Variants in SASH1 observed in about 807,000 individuals in gnomAD.
SASH1 encodes SAM and SH3 domain-containing protein 1.
In SASH1, 44 loss-of-function variants were observed where a neutral mutation model predicts 125.2. That is an observed-to-expected ratio of 0.35 (90% CI 0.28 to 0.45). The LOEUF is 0.45. Among genes scored for constraint, SASH1 ranks in the 20% least tolerant of loss-of-function variants. SASH1 has a pLI of 1.00. For synonymous variants in SASH1, 639 were observed against 649.1 expected, an observed-to-expected ratio of 0.98 and a Z score of 0.24; for missense variants, 1,426 against 1,614.5, an observed-to-expected ratio of 0.88 and a Z score of 2.00.
chr6:148,277,042 G>T (rs747776177), intron 1 of SASH1, among the ~76,000 whole-genome samples: 30 of 152,166 alleles, frequency 2.0e-4, no homozygotes, highest in Non-Finnish European at 4.0e-4. Context: ...CAACAACACG[G>T]TGTGGTAGAC....
At chr6:148,196,329 A>G in the SASH1 span, among the ~76,000 whole-genome samples, 26 of 152,354 alleles carry the variant, frequency 1.7e-4, no homozygotes, top group African/African-American at 6.3e-4. Flanking sequence ...GTGCTGGTCC[A>G]GGACAGTTGG....
chr6:148,527,404 GTTC>G, intron 11 of SASH1, 46 bp from the exon 12 acceptor site: 1 of 1,514,392 alleles, frequency 6.6e-7, no homozygotes, highest in Non-Finnish European at 8.8e-7. Context: ...AATAAAACCT[GTTC>G]TTCATTTTCT....
At chr6:148,256,097 T>C in the SASH1 span, among the ~76,000 whole-genome samples, 1 of 152,222 alleles carries the variant, frequency 6.6e-6, no homozygotes, top group Non-Finnish European at 1.5e-5. Context: ...GACAATTTTG[T>C]GCCTCTGCCC....
At chr6:148,528,295 T>A (rs1781311746) in intron 12 of SASH1, among the ~76,000 whole-genome samples, 1 of 152,182 alleles carries the variant, frequency 6.6e-6, no homozygotes, top group Non-Finnish European at 1.5e-5. Context: ...GACCATTCAA[T>A]TTTCAAGACA....
intron 2 of SASH1, among the ~76,000 whole-genome samples, chr6:148,408,429 C>T (rs1784469318): frequency 6.6e-6 from 1 of 152,034 alleles, no homozygotes; most frequent in South Asian, 2.1e-4. Context: ...ACTTATTAGC[C>T]ATTTGTGTAT....
chr6:148,218,735 G>A, the SASH1 span, among the ~76,000 whole-genome samples: 71 of 152,266 alleles, frequency 4.7e-4, no homozygotes, highest in South Asian at 8.3e-4. Context: ...TGTAGGTCAC[G>A]CAGTCAGAGG....
At chr6:148,446,100 T>TC in intron 4 of SASH1, among the ~76,000 whole-genome samples, 1 of 8,552 alleles carries the variant, frequency 1.2e-4, no homozygotes, top group South Asian at 5.2e-3. Context: ...TTTTTTTTTT[T>TC]TTTTTTTTTT....
the SASH1 span, among the ~76,000 whole-genome samples, chr6:148,231,283 A>C: frequency 2.0e-5 from 3 of 152,214 alleles, no homozygotes. Context: ...CAATCAATTG[A>C]CCATACATGT....
chr6:148,489,638 CT>C (rs1779017197), intron 8 of SASH1, among the ~76,000 whole-genome samples: 1 of 152,098 alleles, frequency 6.6e-6, no homozygotes, highest in African/African-American at 2.4e-5. Flanking sequence ...TCATTAATTT[CT>C]TTCAGCAGTG....
chr6:148,394,355 T>C (rs937564486), intron 2 of SASH1, among the ~76,000 whole-genome samples: 1 of 152,240 alleles, frequency 6.6e-6, no homozygotes, highest in Non-Finnish European at 1.5e-5. Context: ...AGTCATCATT[T>C]AGGCTATGAT....
chr6:148,472,696 G>A (rs560873771), intron 6 of SASH1, among the ~76,000 whole-genome samples: 1 of 152,286 alleles, frequency 6.6e-6, no homozygotes, highest in Admixed American at 6.5e-5. Context: ...GGGAACTTGA[G>A]GAGTATTTTT....
intron 1 of SASH1, among the ~76,000 whole-genome samples, chr6:148,362,063 A>G (rs552960220): frequency 2.3e-4 from 34 of 148,054 alleles, no homozygotes; most frequent in African/African-American, 4.2e-4. Flanking sequence ...ACAGACGCCC[A>G]CAACCACGCC....
the SASH1 span, among the ~76,000 whole-genome samples, chr6:148,257,628 C>CATTTT: frequency 2.4e-5 from 3 of 127,136 alleles, no homozygotes; most frequent in African/African-American, 6.1e-5. Context: ...TGTCAGTTTA[C>CATTTT]TTTTTTTTTT....
chr6:148,504,826 A>G (rs978093130), intron 8 of SASH1, among the ~76,000 whole-genome samples: 3 of 152,172 alleles, frequency 2.0e-5, no homozygotes, highest in Admixed American at 1.3e-4. Flanking sequence ...AACATCGAGT[A>G]TCTTGATAAA....
At chr6:148,380,032 G>A (rs1269201370) in intron 1 of SASH1, 1 of 453,256 alleles carries the variant, frequency 2.2e-6, no homozygotes, top group African/African-American at 2.0e-5. Context: ...TCTTAAAAAT[G>A]TGGAGTTTTG....
At chr6:148,352,138 G>C (rs1394200533) in intron 1 of SASH1, among the ~76,000 whole-genome samples, 1 of 152,194 alleles carries the variant, frequency 6.6e-6, no homozygotes, top group East Asian at 1.9e-4. Flanking sequence ...GTAGTTAAGA[G>C]CAAAGGAACT....
At chr6:148,478,673 A>G (rs976493249) in intron 7 of SASH1, 3 of 152,238 alleles carry the variant, frequency 2.0e-5, no homozygotes, top group Admixed American at 6.5e-5. Context: ...AAAAATAACT[A>G]AAAGATTATA....
intron 2 of SASH1, among the ~76,000 whole-genome samples, chr6:148,425,076 A>G (rs1247492166): frequency 6.6e-6 from 1 of 152,168 alleles, no homozygotes; most frequent in African/African-American, 2.4e-5. Flanking sequence ...ATACTTGGTC[A>G]TCATGGTCAA....
In SASH1 at chr6:148,519,990, C is replaced by T. The variant is rs541052535; in HGVS notation, c.1209+97C>T. 2 of 793,728 alleles carry T rather than the reference C, an allele frequency of 2.5e-6. No homozygotes were observed. The highest frequency in any genetic ancestry group is 5.8e-5 in the Admixed American group (2 of 34,762). 49.2% of individuals were successfully genotyped at this position (793,728 alleles called of 1,614,324 possible). A position where few individuals can be genotyped will look rare whatever the true frequency, so the allele number is the denominator to read the frequency against. ...GTTTCAGAGTGTCCGGAAGCAAATC[C>T]GCTTGAAGAAAACGGATACTAATTA... is the stretch of plus-strand genomic sequence containing the variant. On this transcript the variant is annotated intron_variant, in intron 10 of 19. Transcript: ENST00000367467. This position sits in a 1 kb window ranked among gnomAD's most constrained non-coding sequence, Gnocchi z 4.8.
Sources: allele counts gnomAD v4.1 joint callset (sites outside exome capture counted in the v4.1 genomes callset), GRCh38; gene constraint gnomAD v4.1.1; non-coding constraint Gnocchi (gnomAD v3.1); transcripts MANE v1.5; gene names NCBI Gene and HGNC (gene_info 2026-07-23, HGNC 2026-07-21).